The following OR10G3 variants were observed in gnomAD, a reference collection of about 807,000 sequenced individuals.
The protein encoded by OR10G3 is olfactory receptor family 10 subfamily G member 3.
In OR10G3, 8 loss-of-function variants were observed where a neutral mutation model predicts 13.4. That is an observed-to-expected ratio of 0.60 (90% CI 0.35 to 1.08). OR10G3 has a LOEUF of 1.08. OR10G3 is among the 50% of genes least tolerant of loss of function. OR10G3 has a pLI of 0.02. For missense variants in OR10G3, 393 were observed against 386.6 expected (o/e 1.02, Z -0.14); for synonymous variants, 142 against 156.1 (o/e 0.91, Z 0.67).
chr14:21,568,795 C>T lies in OR10G3; in HGVS notation c.*1008G>A, dbSNP rs1330202115. On this transcript the variant is annotated 3_prime_UTR_variant, in exon 2 of 2. Transcript: ENST00000641040. The stretch of plus-strand genomic sequence containing the variant: ...GTGCGATCTCGGCTCACTGCAACCT[C>T]CGCCTCCCAGGTTCACGCCATTCTC... The T allele has an allele frequency of 4.0e-5, 6 of 151,748 alleles. No homozygotes were observed. The highest frequency in any genetic ancestry group is 1.3e-4 in the Admixed American group (2 of 15,258). The allele number at this position is 151,748 out of a possible 1,614,324, so 9.4% of individuals were successfully genotyped here.
chr14:21,571,361 C>G (rs1032145079), intron 1 of OR10G3, among the ~76,000 whole-genome samples: 1 of 152,234 alleles, frequency 6.6e-6, no homozygotes, highest in Non-Finnish European at 1.5e-5. Flanking sequence ...ATCTACTTTC[C>G]AAGTTCTTTA....
intron 1 of OR10G3, among the ~76,000 whole-genome samples, chr14:21,578,206 T>C (rs568236470): frequency 6.6e-6 from 1 of 151,886 alleles, no homozygotes; most frequent in African/African-American, 2.4e-5. Flanking sequence ...ATGTCAGGAG[T>C]TTGAGACCAG....
chr14:21,576,130 T>C (rs1027805494), intron 1 of OR10G3, among the ~76,000 whole-genome samples: 2 of 152,202 alleles, frequency 1.3e-5, no homozygotes, highest in African/African-American at 4.8e-5. Context: ...CTGAGGTCTG[T>C]TGTTAAAGTG....
chr14:21,570,561 T>G lies in OR10G3; in HGVS notation c.184A>C (p.Ile62Leu), dbSNP rs1893057068. Reference protein sequence around the residue: ...DPRLHARPMYIFLGVLSVIDM... With the variant: ...DPRLHARPMYLFLGVLSVIDM... ...ATGACTGAGAGAACACCAAGAAAGA[T>G]GTACATGGGGCGGGCATGGAGCCTT... is the stretch of plus-strand genomic sequence containing the variant. The change falls in exon 2 of 2, where the codon ATC becomes CTC. Residue 62 changes from isoleucine (I) to leucine (L), a missense_variant. Coordinates refer to ENST00000641040, the MANE Select transcript of OR10G3 (RefSeq NM_001005465.2). 1 of 1,613,986 alleles carries G rather than the reference T, an allele frequency of 6.2e-7. No individual in the cohort carries two copies.
chr14:21,569,717 CAAG>C lies in OR10G3; in HGVS notation c.*83_*85del. The C allele has an allele frequency of 9.0e-7, 1 of 1,114,682 alleles. No homozygotes were observed. The highest frequency in any genetic ancestry group is 1.6e-5 in the South Asian group (1 of 62,090). The allele number at this position is 1,114,682 out of a possible 1,614,324, so 69.0% of individuals were successfully genotyped here. On this transcript the variant is annotated 3_prime_UTR_variant, in exon 2 of 2. Coordinates refer to ENST00000641040, the MANE Select transcript of OR10G3 (RefSeq NM_001005465.2). The stretch of plus-strand genomic sequence containing the variant: ...GTATGGCTATATAAAAGAGAAAAAA[CAAG>C]AAGAAAAGAAAAAAGTTACCGAAGC...
Position 21,570,551 on chromosome 14 carries a change from C to T in OR10G3, c.194G>A (p.Gly65Asp), listed in dbSNP as rs1351617364. ...GCTCATATCAATGACTGAGAGAACACCAAGAAAGATGTACATGGGGCGGGC... is the reference window on the plus strand; with the variant it reads ...GCTCATATCAATGACTGAGAGAACATCAAGAAAGATGTACATGGGGCGGGC... The part of the protein sequence containing the change: ...LHARPMYIFL[G>D]VLSVIDMSIS... Residue 65 changes from glycine to aspartate, a missense_variant, in exon 2 of 2, where the codon GGT (glycine) becomes GAT (aspartate). Transcript: ENST00000641040. The T allele has an allele frequency of 6.2e-7, 1 of 1,614,048 alleles. No individual in the cohort carries two copies. The highest frequency in any genetic ancestry group is 2.2e-5 in the East Asian group (1 of 44,880).
chr14:21,577,920 G>T (rs2023438), intron 1 of OR10G3, among the ~76,000 whole-genome samples: 58,074 of 151,026 alleles, frequency 0.38, 11,389 homozygotes, highest in Admixed American at 0.47. Flanking sequence ...GAGAATCGCT[G>T]GAACCTGGGA....
At chr14:21,577,832 G>A (rs371299022) in intron 1 of OR10G3, among the ~76,000 whole-genome samples, 1 of 152,046 alleles carries the variant, frequency 6.6e-6, no homozygotes, top group Non-Finnish European at 1.5e-5. Context: ...AAGAAACCCC[G>A]TCTCTACTAA....
chr14:21,575,277 T>C (rs1458599405), intron 1 of OR10G3, among the ~76,000 whole-genome samples: 1 of 152,008 alleles, frequency 6.6e-6, no homozygotes, highest in African/African-American at 2.4e-5. Context: ...GAGACAGGGT[T>C]TCACCGTGTT....
chr14:21,570,038 C>G lies in OR10G3; in HGVS notation c.707G>C (p.Arg236Pro), dbSNP rs772303458. Residue 236 changes from arginine to proline, a missense_variant, in exon 2 of 2, where the codon CGC becomes CCC. By Grantham distance (103) the Arg-to-Pro change is moderately radical. Coordinates refer to ENST00000641040, the MANE Select transcript of OR10G3 (RefSeq NM_001005465.2). The part of the protein sequence containing the change: ...ILRIHTADGR[R>P]RAFSTCGAHV... ...GGCTCCACAAGTTGAAAAAGCCCGG[C>G]GCCGCCCATCAGCTGTGTGGATTCT... 6 of 1,614,178 alleles carry G rather than the reference C, an allele frequency of 3.7e-6. No individual in the cohort carries two copies. In the South Asian group the frequency reaches 5.5e-5, roughly 15 times the overall value.
intron 1 of OR10G3, among the ~76,000 whole-genome samples, chr14:21,574,335 G>A (rs1277731097): frequency 6.9e-6 from 1 of 145,716 alleles, no homozygotes; most frequent in Non-Finnish European, 1.5e-5. Context: ...GAAATTGATT[G>A]ATTTTTTTTT....
rs181372380 is a variant in OR10G3 at position 21,579,960 on chromosome 14, G to A, written c.-192C>T. 5.9e-5 allele frequency: 9 copies of A among 152,266 alleles called. No individual in the cohort carries two copies. In the East Asian group the frequency reaches 1.5e-3, roughly 26 times the overall value. 9.4% of individuals were successfully genotyped at this position (152,266 alleles called of 1,614,324 possible). On this transcript the variant is annotated 5_prime_UTR_variant, in exon 1 of 2. Transcript: ENST00000641040. The stretch of plus-strand genomic sequence containing the variant: ...GGATCAAAGTAAAGAGTCAAACTAT[G>A]GAAACTTAATTTATTATTTGCCTGC...
Position 21,570,383 on chromosome 14 carries a change from T to C in OR10G3, c.362A>G (p.Tyr121Cys). 1 of 1,614,120 alleles carries C rather than the reference T, an allele frequency of 6.2e-7. No individual in the cohort carries two copies. The highest frequency in any genetic ancestry group is 8.5e-7 in the Non-Finnish European group (1 of 1,180,024). Residue 121 changes from tyrosine to cysteine, a missense_variant, in exon 2 of 2, where the codon TAT (tyrosine) becomes TGT (cysteine). Tyr to Cys is a radical substitution (Grantham distance 194). Coordinates refer to ENST00000641040, the MANE Select transcript of OR10G3 (RefSeq NM_001005465.2). Reference protein sequence around the residue: ...TQCFLYTLMAYDRYLAICQPL... With the variant: ...TQCFLYTLMACDRYLAICQPL... Reference sequence around the variant, plus strand: ...CTGACATATTGCCAGGTACCTGTCATAGGCCATTAGGGTGTAGAGGAAGCA... The same window carrying C: ...CTGACATATTGCCAGGTACCTGTCACAGGCCATTAGGGTGTAGAGGAAGCA...
In OR10G3 at chr14:21,570,216, A is replaced by G. The variant is rs759609801; in HGVS notation, c.529T>C (p.Tyr177His). The change falls in exon 2 of 2, where the codon TAC becomes CAC. Residue 177 changes from tyrosine to histidine, a missense_variant. Coordinates refer to ENST00000641040, the MANE Select transcript of OR10G3 (RefSeq NM_001005465.2). ...ACTGCAGGGATGTCACAGAAGAAGT[A>G]ATCCACCTGATTGGGCCCACAGTAG... is the stretch of plus-strand genomic sequence containing the variant. Reference protein sequence around the residue: ...LPYCGPNQVDYFFCDIPAVLR... With the variant: ...LPYCGPNQVDHFFCDIPAVLR... The G allele has an allele frequency of 6.2e-7, 1 of 1,614,206 alleles. No individual in the cohort carries two copies. Among genetic ancestry groups the G allele is most frequent in the Non-Finnish European group, 8.5e-7 (1 of 1,180,030 alleles).
chr14:21,579,389 C>T lies in OR10G3; in HGVS notation c.-18+397G>A, dbSNP rs190078087. Among the ~76,000 whole-genome samples the T allele has an allele frequency of 3.3e-3, 504 of 152,154 alleles. 1 individual carries two copies. Among genetic ancestry groups the T allele is most frequent in the African/African-American group, 0.012 (483 of 41,506 alleles). ...CCTCCCAAGTAGCTGGGATTACAGG[C>T]GTGTACCACCACCCCCAGCTAATTT... On this transcript the variant is annotated intron_variant, in intron 1 of 1. Transcript: ENST00000641040.
rs17197261 is a variant in OR10G3, at chr14:21,570,031, A to T, written c.714T>A (p.Ala238=). Reference sequence around the variant, plus strand: ...TTACATGGGCTCCACAAGTTGAAAAAGCCCGGCGCCGCCCATCAGCTGTGT... The same window carrying T: ...TTACATGGGCTCCACAAGTTGAAAATGCCCGGCGCCGCCCATCAGCTGTGT... ...RIHTADGRRR[A]FSTCGAHVTV... The change falls in exon 2 of 2, where the codon GCT becomes GCA. Residue 238 remains alanine (A), a synonymous_variant. Coordinates refer to ENST00000641040, the MANE Select transcript of OR10G3 (RefSeq NM_001005465.2). The T allele has an allele frequency of 1.9e-6, 3 of 1,614,054 alleles. No individual in the cohort carries two copies. Among genetic ancestry groups the T allele is most frequent in the Non-Finnish European group, 2.5e-6 (3 of 1,180,034 alleles).
At chr14:21,571,631 A>C (rs1242661583) in intron 1 of OR10G3, among the ~76,000 whole-genome samples, 1 of 152,080 alleles carries the variant, frequency 6.6e-6, no homozygotes, top group Non-Finnish European at 1.5e-5. Flanking sequence ...AACCACTCTC[A>C]GTGTGGAAGA....
intron 1 of OR10G3, among the ~76,000 whole-genome samples, chr14:21,572,913 T>A (rs1893087710): frequency 6.6e-6 from 1 of 152,218 alleles, no homozygotes; most frequent in Non-Finnish European, 1.5e-5. Context: ...CTATTTGGTA[T>A]CTTTTTGTTC....
At chr14:21,574,067 G>T (rs995938960) in intron 1 of OR10G3, among the ~76,000 whole-genome samples, 1 of 152,082 alleles carries the variant, frequency 6.6e-6, no homozygotes, top group African/African-American at 2.4e-5. Context: ...ACTTTGGGAG[G>T]CTGAGGCAGG....
Sources: allele counts gnomAD v4.1 joint callset (sites outside exome capture counted in the v4.1 genomes callset), GRCh38; gene constraint gnomAD v4.1.1; transcripts MANE v1.5; gene names NCBI Gene and HGNC (gene_info 2026-07-23, HGNC 2026-07-21).